SMCR8: variants seen among roughly 807,000 people sequenced by gnomAD.
SMCR8 encodes SMCR8-C9orf72 complex subunit, also known as guanine nucleotide exchange protein SMCR8.
SMCR8 carries 30 observed loss-of-function variants against 56.6 expected under a neutral mutation model. That is an observed-to-expected ratio of 0.53 (90% CI 0.40 to 0.72). The LOEUF (loss-of-function observed/expected upper bound fraction) is 0.72. Ranked by LOEUF, SMCR8 falls within the 30% of genes least tolerant of loss-of-function variation. The probability of loss-of-function intolerance (pLI) is 0.00; values close to 1 mark genes in which losing one functional copy is unlikely to be tolerated. For missense variants in SMCR8, 1,198 were observed against 1,157.0 expected, an observed-to-expected ratio of 1.04 and a Z score of -0.51; for synonymous variants, 538 against 456.0, an observed-to-expected ratio of 1.18 and a Z score of -2.29.
In SMCR8 at chr17:18,316,199, A is replaced by G; in HGVS notation, c.410A>G (p.His137Arg). 4 of 1,613,986 alleles carry G rather than the reference A, an allele frequency of 2.5e-6. No homozygotes were observed. The highest frequency in any genetic ancestry group is 3.4e-6 in the Non-Finnish European group (4 of 1,180,036). ...DSKEGAFAYV[H>R]HLTLYDLEAR... ...AAGGAGGGCGCCTTTGCATACGTGC[A>G]CCACCTTACCCTATACGACCTGGAG... Residue 137 changes from histidine to arginine, a missense_variant, in exon 1 of 2, where the codon CAC becomes CGC. His to Arg is a conservative substitution (Grantham distance 29). Transcript: ENST00000406438.
Position 18,327,853 on chromosome 17 carries a change from A to G in SMCR8, c.*4783A>G, listed in dbSNP as rs1982733994. On this transcript the variant is annotated 3_prime_UTR_variant, in exon 2 of 2. Coordinates refer to ENST00000406438, the MANE Select transcript of SMCR8 (RefSeq NM_144775.3). Reference sequence around the variant, plus strand: ...CAAGAGTTAACCAGAGTCAATGCCAAACACATAGTATGAGAAGTGTACTTT... The same window carrying G: ...CAAGAGTTAACCAGAGTCAATGCCAGACACATAGTATGAGAAGTGTACTTT... 6.6e-6 allele frequency: 1 copy of G among 152,618 alleles called. No individual in the cohort carries two copies. The highest frequency in any genetic ancestry group is 1.5e-5 in the Non-Finnish European group (1 of 68,042). The allele number at this position is 152,618 out of a possible 1,614,324, so 9.5% of individuals were successfully genotyped here. A position where few individuals can be genotyped will look rare whatever the true frequency, so the allele number is the denominator to read the frequency against.
Position 18,325,094 on chromosome 17 carries a change from C to T in SMCR8, c.*2024C>T, listed in dbSNP as rs1982613500. The T allele has an allele frequency of 6.6e-6, 1 of 152,224 alleles. No homozygotes were observed. The highest frequency in any genetic ancestry group is 6.5e-5 in the Admixed American group (1 of 15,274). The allele number at this position is 152,224 out of a possible 1,614,324, so 9.4% of individuals were successfully genotyped here. On this transcript the variant is annotated 3_prime_UTR_variant, in exon 2 of 2. Coordinates refer to ENST00000406438, the MANE Select transcript of SMCR8 (RefSeq NM_144775.3). ...TCTACTTAGGCCTCCAAGGCCATAACTGTGCAACATTTTATCTGAGAAGGA... is the reference window on the plus strand; with the variant it reads ...TCTACTTAGGCCTCCAAGGCCATAATTGTGCAACATTTTATCTGAGAAGGA...
chr17:18,321,086 T>C (rs532887860), intron 1 of SMCR8, among the ~76,000 whole-genome samples: 9 of 152,338 alleles, frequency 5.9e-5, no homozygotes, highest in East Asian at 1.9e-4. Context: ...TTATAGATGC[T>C]CTGTAAATGA....
At position 18,323,684 on chromosome 17, in the gene SMCR8, G is replaced by A. The variant is rs1397006878; in HGVS notation, c.*614G>A. 1.3e-5 allele frequency: 2 copies of A among 156,152 alleles called. No individual in the cohort carries two copies. Among genetic ancestry groups the A allele is most frequent in the Non-Finnish European group, 2.8e-5 (2 of 70,408 alleles). 9.7% of individuals were successfully genotyped at this position (156,152 alleles called of 1,614,324 possible). On this transcript the variant is annotated 3_prime_UTR_variant, in exon 2 of 2. Coordinates refer to ENST00000406438, the MANE Select transcript of SMCR8 (RefSeq NM_144775.3). ...GCGACCTTGGCCTCAGGGCCACAGA[G>A]CGTGAGCAGCACCCTGTCCGCTGTC...
At chr17:18,318,412 T>A (rs565212733) in intron 1 of SMCR8, among the ~76,000 whole-genome samples, 5 of 152,336 alleles carry the variant, frequency 3.3e-5, no homozygotes, top group African/African-American at 1.2e-4. Context: ...TTTTTATTTT[T>A]ATTTTTTTGC....
chr17:18,317,128 A>G lies in SMCR8; in HGVS notation c.1339A>G (p.Ser447Gly). ...CAAGGAAGTGGAAGTGACTGAGTTGAGCAGTTTCGACCCCCAGGAAAACTT... is the reference window on the plus strand; with the variant it reads ...CAAGGAAGTGGAAGTGACTGAGTTGGGCAGTTTCGACCCCCAGGAAAACTT... ...EYKEVEVTELSSFDPQENLDY... is the reference protein window; with the variant it reads ...EYKEVEVTELGSFDPQENLDY... The change falls in exon 1 of 2, where the codon AGC (serine) becomes GGC (glycine). Residue 447 changes from serine to glycine, a missense_variant. Ser to Gly is a moderately conservative substitution (Grantham distance 56). Coordinates refer to ENST00000406438, the MANE Select transcript of SMCR8 (RefSeq NM_144775.3). The G allele has an allele frequency of 1.2e-6, 2 of 1,614,176 alleles. No homozygotes were observed. Among genetic ancestry groups the G allele is most frequent in the Admixed American group, 1.7e-5 (1 of 60,022 alleles).
In SMCR8 at chr17:18,326,104, A is replaced by C. The variant is rs919635743; in HGVS notation, c.*3034A>C. The C allele has an allele frequency of 2.6e-5, 4 of 152,204 alleles. No individual in the cohort carries two copies. The highest frequency in any genetic ancestry group is 2.1e-4 in the South Asian group (1 of 4,832). 9.4% of individuals were successfully genotyped at this position (152,204 alleles called of 1,614,324 possible). A position where few individuals can be genotyped will look rare whatever the true frequency, so the allele number is the denominator to read the frequency against. On this transcript the variant is annotated 3_prime_UTR_variant, in exon 2 of 2. Transcript: ENST00000406438. The stretch of plus-strand genomic sequence containing the variant: ...TCATTTGAGGTATTCTTCCAGTAGA[A>C]GGTTAGTAAGTTTTTAATGAAACCA...
chr17:18,327,367 G>A lies in SMCR8; in HGVS notation c.*4297G>A, dbSNP rs1982696105. The A allele has an allele frequency of 6.6e-6, 1 of 152,274 alleles. No homozygotes were observed. Among genetic ancestry groups the A allele is most frequent in the African/African-American group, 2.4e-5 (1 of 41,454 alleles). The allele number at this position is 152,274 out of a possible 1,614,324, so 9.4% of individuals were successfully genotyped here. ...CCCAAGAGTGGAGGCTGTTTACAGC[G>A]AGCCCTGGAGATGGCAGCTTGTCTC... On this transcript the variant is annotated 3_prime_UTR_variant, in exon 2 of 2. Transcript: ENST00000406438.
rs1982605743 is a variant in SMCR8 at position 18,324,881 on chromosome 17, T to C, written c.*1811T>C. On this transcript the variant is annotated 3_prime_UTR_variant, in exon 2 of 2. Coordinates refer to ENST00000406438, the MANE Select transcript of SMCR8 (RefSeq NM_144775.3). ...TCTCTGTACCTGTGCCCGTTGCGCATGTTCACAGACAGGAGAGTCGCCAGC... is the reference window on the plus strand; with the variant it reads ...TCTCTGTACCTGTGCCCGTTGCGCACGTTCACAGACAGGAGAGTCGCCAGC... 6.6e-6 allele frequency: 1 copy of C among 152,256 alleles called. No homozygotes were observed. The highest frequency in any genetic ancestry group is 1.5e-5 in the Non-Finnish European group (1 of 68,044). The allele number at this position is 152,256 out of a possible 1,614,324, so 9.4% of individuals were successfully genotyped here. A position where few individuals can be genotyped will look rare whatever the true frequency, so the allele number is the denominator to read the frequency against.
In SMCR8 at chr17:18,317,636, C is replaced by A. The variant is rs373948273; in HGVS notation, c.1847C>A (p.Pro616Gln). 13 of 1,614,046 alleles carry A rather than the reference C, an allele frequency of 8.1e-6. No homozygotes were observed. In the Admixed American group the frequency reaches 1.5e-4, roughly 19 times the overall value. Reference protein sequence around the residue: ...SDEDGVVSSPPQRHRQKDQGF... With the variant: ...SDEDGVVSSPQQRHRQKDQGF... ...GAGGATGGGGTGGTGAGCAGCCCCCCACAGCGCCACAGGCAGAAGGACCAG... is the reference window on the plus strand; with the variant it reads ...GAGGATGGGGTGGTGAGCAGCCCCCAACAGCGCCACAGGCAGAAGGACCAG... Residue 616 changes from proline (P) to glutamine (Q), a missense_variant, in exon 1 of 2, where the codon CCA (proline) becomes CAA (glutamine). By Grantham distance (76) the Pro-to-Gln change is moderately conservative. Transcript: ENST00000406438.
Position 18,317,437 on chromosome 17 carries a change from G to A in SMCR8, c.1648G>A (p.Gly550Ser). 6 of 1,614,094 alleles carry A rather than the reference G, an allele frequency of 3.7e-6. No homozygotes were observed. Among genetic ancestry groups the A allele is most frequent in the Non-Finnish European group, 3.4e-6 (4 of 1,180,020 alleles). The change falls in exon 1 of 2, where the codon GGC becomes AGC. Residue 550 changes from glycine to serine, a missense_variant. Physicochemically the swap from Gly to Ser is moderately conservative, Grantham distance 56. Coordinates refer to ENST00000406438, the MANE Select transcript of SMCR8 (RefSeq NM_144775.3). ...TAATGAAGAAGAATCATATCCAGAT[G>A]GCAATGAAGGAGCCATCCGCTTCCA... The part of the protein sequence containing the change: ...AINEEESYPD[G>S]NEGAIRFQAS...
rs1206009670 is a variant in SMCR8, at chr17:18,322,782, C to T, written c.2526C>T (p.Thr842=). ...GCACACAGATCAAGCGGGGCAGCAC[C>T]TACTACCTGCATGTCCAGAGCATGC... is the stretch of plus-strand genomic sequence containing the variant. ...DHRTQIKRGS[T]YYLHVQSMLT... The change falls in exon 2 of 2, where the codon ACC becomes ACT. Residue 842 remains threonine, a synonymous_variant. Transcript: ENST00000406438. 1 of 1,614,052 alleles carries T rather than the reference C, an allele frequency of 6.2e-7. No individual in the cohort carries two copies. Among genetic ancestry groups the T allele is most frequent in the Non-Finnish European group, 8.5e-7 (1 of 1,179,988 alleles).
rs149849406 is a variant in SMCR8, at chr17:18,315,802, C to G, written c.13C>G (p.Pro5Ala). 6.0e-5 allele frequency: 96 copies of G among 1,589,596 alleles called. No individual in the cohort carries two copies. The highest frequency in any genetic ancestry group is 7.6e-5 in the Non-Finnish European group (89 of 1,164,418). MISA[P>A]DVVAFTKEEE... is the part of the protein sequence containing the mutation. ...TATATCTGGAAATATGATCAGCGCC[C>G]CTGACGTAGTGGCCTTCACCAAAGA... The change falls in exon 1 of 2, where the codon CCT becomes GCT. Residue 5 changes from proline (P) to alanine (A), a missense_variant. Transcript: ENST00000406438.
intron 1 of SMCR8, among the ~76,000 whole-genome samples, chr17:18,319,577 G>T (rs948915249): frequency 6.6e-6 from 1 of 152,126 alleles, no homozygotes; most frequent in Non-Finnish European, 1.5e-5. Flanking sequence ...TCTCACCTCC[G>T]AACACCAGTC....
In SMCR8 at chr17:18,317,997, G is replaced by T. The variant is rs1982383096; in HGVS notation, c.2208G>T (p.Leu736=). ...SLLSGRTLVV[L]GEDEAIVRKL... ...TCAGTGGGAGGACACTTGTGGTCCT[G>T]GGGGAAGATGAGGCCATAGTCAGGA... Residue 736 remains leucine, a synonymous_variant, in exon 1 of 2, where the codon CTG becomes CTT. Coordinates refer to ENST00000406438, the MANE Select transcript of SMCR8 (RefSeq NM_144775.3). The T allele has an allele frequency of 6.2e-7, 1 of 1,614,132 alleles. No homozygotes were observed. Among genetic ancestry groups the T allele is most frequent in the African/African-American group, 1.3e-5 (1 of 74,942 alleles).
rs879918903 is a variant in SMCR8, at chr17:18,327,730, TGTGA to T, written c.*4663_*4666del. 2 of 152,588 alleles carry T rather than the reference TGTGA, an allele frequency of 1.3e-5. No individual in the cohort carries two copies. Among genetic ancestry groups the T allele is most frequent in the Non-Finnish European group, 2.9e-5 (2 of 68,048 alleles). 9.5% of individuals were successfully genotyped at this position (152,588 alleles called of 1,614,324 possible). On this transcript the variant is annotated 3_prime_UTR_variant, in exon 2 of 2. Transcript: ENST00000406438. ...GCATGTTCCCGTCCCGTCTTGTGAA[TGTGA>T]GTCCCCGCCACCACGTGAGGTGCAG... is the stretch of plus-strand genomic sequence containing the variant.
Position 18,317,136 on chromosome 17 carries a change from C to T in SMCR8, c.1347C>T (p.Phe449=), listed in dbSNP as rs145506981. The change falls in exon 1 of 2, where the codon TTC becomes TTT. Residue 449 remains phenylalanine, a synonymous_variant. Transcript: ENST00000406438. ...TGGAAGTGACTGAGTTGAGCAGTTT[C>T]GACCCCCAGGAAAACTTGGACTACC... ...KEVEVTELSS[F]DPQENLDYLD... The T allele has an allele frequency of 1.3e-4, 203 of 1,614,100 alleles. No individual in the cohort carries two copies. In the African/African-American group the frequency reaches 2.1e-3, roughly 16 times the overall value.
chr17:18,316,679 C>G lies in SMCR8; in HGVS notation c.890C>G (p.Thr297Ser). 6.2e-7 allele frequency: 1 copy of G among 1,614,182 alleles called. No homozygotes were observed. The highest frequency in any genetic ancestry group is 8.5e-7 in the Non-Finnish European group (1 of 1,180,040). The change falls in exon 1 of 2, where the codon ACC becomes AGC. Residue 297 changes from threonine (T) to serine (S), a missense_variant. Transcript: ENST00000406438. The part of the protein sequence containing the change: ...PDESADTDLY[T>S]CRPAYTPKLI... ...GAGTCTGCCGACACAGACCTTTACA[C>G]CTGCAGACCAGCCTACACCCCAAAA...
At chr17:18,321,280 G>A (rs1277842654) in intron 1 of SMCR8, among the ~76,000 whole-genome samples, 13 of 152,192 alleles carry the variant, frequency 8.5e-5, no homozygotes, top group Non-Finnish European at 1.6e-4. Context: ...TTAAGGAACC[G>A]CTCCCCTCAC....
Sources: gnomAD v4.1 joint callset for allele counts (sites outside exome capture counted in the v4.1 genomes callset) on GRCh38, gnomAD v4.1.1 for gene constraint, MANE v1.5 for transcripts, NCBI Gene and HGNC (gene_info 2026-07-23, HGNC 2026-07-21) for gene names.